Variants in ATP9B observed in about 807,000 individuals in gnomAD.
ATP9B encodes probable phospholipid-transporting ATPase IIB.
ATP9B carries 110 observed loss-of-function variants against 146.1 expected under a neutral mutation model. The ratio of observed to expected loss-of-function variants is 0.75; its 90% CI spans 0.65 to 0.88. The LOEUF is 0.88. Ranked by LOEUF, ATP9B falls within the 40% of genes least tolerant of loss-of-function variation. ATP9B has a pLI of 0.00. For missense variants in ATP9B, 1,499 were observed against 1,496.4 expected (o/e 1.00, Z -0.03); for synonymous variants, 604 against 569.7 (o/e 1.06, Z -0.86).
At chr18:79,114,707 T>A (rs888133419) in intron 4 of ATP9B, among the ~76,000 whole-genome samples, 1 of 152,158 alleles carries the variant, frequency 6.6e-6, no homozygotes, top group Non-Finnish European at 1.5e-5. Context: ...ATTAGTAAGA[T>A]TGAAAGAGAC....
chr18:79,094,491 C>G lies in ATP9B; in HGVS notation c.120-1985C>G, dbSNP rs1323163555. ...AAGTTGTGTGAAAAGAGAGAACTAC[C>G]AGGGACGTCCACATCCTGTTTGGAC... On this transcript the variant is annotated intron_variant, in intron 1 of 29. Coordinates refer to ENST00000426216, the MANE Select transcript of ATP9B (RefSeq NM_198531.5). Among the ~76,000 whole-genome samples, 3 of 152,166 alleles carry G rather than the reference C, an allele frequency of 2.0e-5. No individual in the cohort carries two copies. The East Asian group carries it at 5.8e-4, about 29-fold the overall frequency.
intron 5 of ATP9B, among the ~76,000 whole-genome samples, chr18:79,128,111 G>C (rs187130021): frequency 7.4e-6 from 1 of 136,024 alleles, no homozygotes; most frequent in Admixed American, 8.0e-5. Context: ...CCAGGCTGGA[G>C]TGCAGTGGCG....
intron 11 of ATP9B, among the ~76,000 whole-genome samples, chr18:79,237,290 A>G (rs1339974612): frequency 7.8e-6 from 1 of 128,866 alleles, no homozygotes; most frequent in Non-Finnish European, 1.6e-5. Context: ...CCCACTGTGT[A>G]CACGGTCCGT....
intron 28 of ATP9B, among the ~76,000 whole-genome samples, chr18:79,375,134 TAG>T (rs2097095708): frequency 6.6e-6 from 1 of 152,244 alleles, no homozygotes; most frequent in Non-Finnish European, 1.5e-5. Context: ...CAGACCTGGA[TAG>T]GTCTCTGTCT....
chr18:79,229,491 A>G (rs185657690), intron 11 of ATP9B, among the ~76,000 whole-genome samples: 21 of 152,360 alleles, frequency 1.4e-4, no homozygotes, highest in African/African-American at 4.8e-4. Context: ...ATAATGGATC[A>G]ATTTAATATG....
intron 15 of ATP9B, among the ~76,000 whole-genome samples, chr18:79,327,638 C>CATGCTCTCCG (rs2096760676): frequency 6.5e-5 from 3 of 45,880 alleles, no homozygotes; most frequent in African/African-American, 2.7e-4. Flanking sequence ...TGTGCCCTCC[C>CATGCTCTCCG]TGGTTAGCAT....
rs1600194200 is a variant in ATP9B, at chr18:79,342,427, A to C, written c.2382+61A>C. 3.5e-6 allele frequency: 4 copies of C among 1,135,512 alleles called. No homozygotes were observed. In the South Asian group the frequency reaches 5.5e-5, roughly 15 times the overall value. The allele number at this position is 1,135,512 out of a possible 1,614,324, so 70.3% of individuals were successfully genotyped here. ...CATTTGTCTCACACAAACGAAGCCT[A>C]TTGTTTTTGTCAGAATATATATTTA... On this transcript the variant is annotated intron_variant, in intron 20 of 29. Transcript: ENST00000426216.
At chr18:79,256,286 T>TATATATATATACAC (rs398033647) in intron 12 of ATP9B, among the ~76,000 whole-genome samples, 3 of 123,074 alleles carry the variant, frequency 2.4e-5, no homozygotes, top group African/African-American at 6.5e-5. Context: ...TATATATATA[T>TATATATATATACAC]ACATACATAG....
rs1351664350 is a variant in ATP9B at position 79,183,285 on chromosome 18, G to A, written c.873+6378G>A. Among the ~76,000 whole-genome samples the A allele has an allele frequency of 3.3e-5, 5 of 152,052 alleles. 1 individual carries two copies. Among genetic ancestry groups the A allele is most frequent in the African/African-American group, 9.7e-5 (4 of 41,416 alleles). On this transcript the variant is annotated intron_variant, in intron 8 of 29. Transcript: ENST00000426216. ...TTTGAAATTCTAGATTTAAAAAAAAGCATATTTCAAGAATTTTGATTATTT... is the reference window on the plus strand; with the variant it reads ...TTTGAAATTCTAGATTTAAAAAAAAACATATTTCAAGAATTTTGATTATTT...
chr18:79,110,634 T>C, intron 3 of ATP9B, 129 bp downstream of exon 3: 1 of 853,114 alleles, frequency 1.2e-6, no homozygotes, highest in Non-Finnish European at 1.7e-6. Flanking sequence ...AGTGTCCTTT[T>C]GCTTTTGAAC....
At chr18:79,289,318 T>G (rs553238535) in intron 13 of ATP9B, among the ~76,000 whole-genome samples, 2 of 152,302 alleles carry the variant, frequency 1.3e-5, no homozygotes, top group South Asian at 4.1e-4. Context: ...TCATTTCTTT[T>G]TATTCTTTTT....
intron 25 of ATP9B, among the ~76,000 whole-genome samples, chr18:79,350,971 A>G (rs1374009834): frequency 1.3e-5 from 2 of 152,088 alleles, no homozygotes; most frequent in Non-Finnish European, 2.9e-5. Flanking sequence ...GGGTTTTGCC[A>G]TGTTGACCAG....
intron 8 of ATP9B, among the ~76,000 whole-genome samples, chr18:79,185,351 C>A (rs796155187): frequency 1.3e-3 from 37 of 29,546 alleles, no homozygotes; most frequent in Middle Eastern, 7.5e-3. Flanking sequence ...AGGATACTTT[C>A]TTTATTTTTA....
chr18:79,260,338 T>C (rs2096127189), intron 12 of ATP9B, among the ~76,000 whole-genome samples: 2 of 152,208 alleles, frequency 1.3e-5, no homozygotes, highest in South Asian at 4.2e-4. Context: ...AACTCACTCA[T>C]TATCACGAGA....
chr18:79,327,856 A>ATGGATAGTGTGCTCTCCG (rs1568701149), intron 15 of ATP9B, among the ~76,000 whole-genome samples: 3 of 3,952 alleles, frequency 7.6e-4, no homozygotes. Flanking sequence ...CGTGCTCTCC[A>ATGGATAGTGTGCTCTCCG]TGGTTAGCGT....
At chr18:79,243,978 C>G (rs1485332683) in intron 11 of ATP9B, among the ~76,000 whole-genome samples, 1 of 152,136 alleles carries the variant, frequency 6.6e-6, no homozygotes. Flanking sequence ...AGAAACTAAT[C>G]TGTATCATTA....
intron 10 of ATP9B, among the ~76,000 whole-genome samples, chr18:79,209,175 C>T (rs2095561371): frequency 6.6e-6 from 1 of 152,194 alleles, no homozygotes; most frequent in Non-Finnish European, 1.5e-5. Flanking sequence ...GCTGTGCATT[C>T]CCTGAAAGCC....
chr18:79,202,821 T>A (rs1342437446), intron 9 of ATP9B, among the ~76,000 whole-genome samples: 1 of 152,208 alleles, frequency 6.6e-6, no homozygotes, highest in Non-Finnish European at 1.5e-5. Context: ...GAAACATTCA[T>A]ATGGAAAAAT....
At chr18:79,082,527 C>T (rs931540077) in intron 1 of ATP9B, among the ~76,000 whole-genome samples, 1 of 152,198 alleles carries the variant, frequency 6.6e-6, no homozygotes, top group Non-Finnish European at 1.5e-5. Flanking sequence ...CTGGTTTTTC[C>T]TTATCTTCGT....
Sources: allele counts gnomAD v4.1 joint callset (sites outside exome capture counted in the v4.1 genomes callset), GRCh38; gene constraint gnomAD v4.1.1; transcripts MANE v1.5; gene names NCBI Gene and HGNC (gene_info 2026-07-23, HGNC 2026-07-21).